FYB2: variants seen among roughly 807,000 people sequenced by gnomAD.
FYB2 encodes FYN binding protein 2.
FYB2 carries 103 observed loss-of-function variants against 94.1 expected under a neutral mutation model. The observed-to-expected ratio is 1.09, with a 90% CI of 0.93 to 1.29. The LOEUF is 1.29. FYB2 is among the 50% of genes most tolerant of loss of function. FYB2 has a pLI of 0.00. For synonymous variants in FYB2, 293 were observed against 287.9 expected, an observed-to-expected ratio of 1.02 and a Z score of -0.18; for missense variants, 896 against 841.5, an observed-to-expected ratio of 1.06 and a Z score of -0.80.
intron 14 of FYB2, 38 bp from the exon 15 acceptor site, chr1:56,737,185 G>A (rs761251129): frequency 6.7e-7 from 1 of 1,485,508 alleles, no homozygotes; most frequent in Non-Finnish European, 9.3e-7. Context: ...CCATTATTAA[G>A]CATGGTTTAT....
chr1:56,765,634 G>A (rs544934885), intron 5 of FYB2, among the ~76,000 whole-genome samples: 1 of 152,322 alleles, frequency 6.6e-6, no homozygotes, highest in East Asian at 1.9e-4. Context: ...GCTAGAAAGA[G>A]CAGGCTTCAG....
At chr1:56,721,955 G>T (rs1158966696) in intron 17 of FYB2, among the ~76,000 whole-genome samples, 2 of 151,956 alleles carry the variant, frequency 1.3e-5, no homozygotes, top group Non-Finnish European at 2.9e-5. Flanking sequence ...ATTTGAGCTG[G>T]ACAAAAATTA....
chr1:56,740,644 T>G (rs1436464524), intron 13 of FYB2, 53 bp downstream of exon 13: 2 of 1,060,538 alleles, frequency 1.9e-6, no homozygotes, highest in Non-Finnish European at 2.8e-6. Context: ...CATCAACTTG[T>G]GTATCTACCA....
At chr1:56,819,134 A>C (rs987241032) in intron 1 of FYB2, 148 bp downstream of exon 1, 1 of 567,238 alleles carries the variant, frequency 1.8e-6, no homozygotes, top group African/African-American at 2.0e-5. Context: ...GTGTGAGCAG[A>C]AATGCACTGG....
At chr1:56,788,850 A>G in intron 3 of FYB2, 123 bp downstream of exon 3, 1 of 1,360,934 alleles carries the variant, frequency 7.3e-7, no homozygotes, top group Non-Finnish European at 1.0e-6. Context: ...TCTAGATGAG[A>G]ATAAGCAGTG....
intron 6 of FYB2, among the ~76,000 whole-genome samples, chr1:56,756,723 T>C (rs903762934): frequency 1.6e-4 from 25 of 152,118 alleles, no homozygotes; most frequent in Non-Finnish European, 3.5e-4. Context: ...TCTCTGAACC[T>C]TAATGTCATC....
upstream of FYB2, among the ~76,000 whole-genome samples, chr1:56,820,130 C>A (rs990144839): frequency 2.6e-5 from 4 of 151,218 alleles, no homozygotes; most frequent in African/African-American, 9.8e-5. Flanking sequence ...ACTTGGGAGG[C>A]TGAGGCAGGA....
At chr1:56,819,531 G>A, upstream of FYB2, 1 of 598,602 alleles carries the variant, frequency 1.7e-6, no homozygotes, top group African/African-American at 1.9e-5. Flanking sequence ...GCAGGGGACT[G>A]GGGAGAGTAC....
chr1:56,816,287 T>G (rs915695368), intron 1 of FYB2, among the ~76,000 whole-genome samples: 2 of 152,166 alleles, frequency 1.3e-5, no homozygotes, highest in African/African-American at 4.8e-5. Flanking sequence ...GGTACTGATT[T>G]TAGTCTTGCA....
chr1:56,771,744 C>T (rs919265738), intron 4 of FYB2, among the ~76,000 whole-genome samples: 15 of 152,094 alleles, frequency 9.9e-5, no homozygotes, highest in Non-Finnish European at 1.8e-4. Context: ...TTAATACAAA[C>T]GAGGTCTTAG....
chr1:56,756,325 CCGTTACTCG>C (rs1417333909), intron 6 of FYB2, among the ~76,000 whole-genome samples: 1 of 152,112 alleles, frequency 6.6e-6, no homozygotes, highest in Non-Finnish European at 1.5e-5. Context: ...TGGAATTTCT[CCGTTACTCG>C]CTGATCATGT....
upstream of FYB2, chr1:56,819,700 C>A: frequency 3.2e-6 from 1 of 311,288 alleles, no homozygotes; most frequent in Non-Finnish European, 6.1e-6. Context: ...TTAGTACAGA[C>A]CATGCAGGCT....
intron 5 of FYB2, among the ~76,000 whole-genome samples, chr1:56,762,774 T>A (rs1645529394): frequency 6.6e-6 from 1 of 152,224 alleles, no homozygotes. Flanking sequence ...CAGCACTATG[T>A]TGAATAGCAA....
At chr1:56,730,864 C>T (rs1644692966) in intron 15 of FYB2, among the ~76,000 whole-genome samples, 1 of 152,048 alleles carries the variant, frequency 6.6e-6, no homozygotes, top group Non-Finnish European at 1.5e-5. Flanking sequence ...CCCTGATGAA[C>T]ATAGACACAA....
chr1:56,721,181 G>A (rs1418110081), intron 17 of FYB2, among the ~76,000 whole-genome samples: 2 of 151,972 alleles, frequency 1.3e-5, no homozygotes, highest in African/African-American at 4.8e-5. Context: ...CTATACATCT[G>A]CAGCACATCA....
intron 15 of FYB2, among the ~76,000 whole-genome samples, chr1:56,736,480 T>C (rs1644834602): frequency 7.0e-6 from 1 of 142,802 alleles, no homozygotes; most frequent in Admixed American, 7.3e-5. Context: ...GGCTGGAGTC[T>C]AGTGGTGTGA....
chr1:56,793,945 G>A (rs993342621), intron 1 of FYB2, among the ~76,000 whole-genome samples: 2 of 152,138 alleles, frequency 1.3e-5, no homozygotes, highest in Admixed American at 6.5e-5. Context: ...AATACTCTGA[G>A]AAACTTGATC....
At chr1:56,805,186 G>T (rs1248368838) in intron 1 of FYB2, among the ~76,000 whole-genome samples, 2 of 151,940 alleles carry the variant, frequency 1.3e-5, no homozygotes, top group Non-Finnish European at 2.9e-5. Flanking sequence ...TTACATACGT[G>T]TCTGCTTTAC....
chr1:56,720,124 A>AT (rs1293016868), intron 18 of FYB2, 49 bp downstream of exon 18: 5 of 1,586,244 alleles, frequency 3.2e-6, no homozygotes, highest in African/African-American at 1.4e-5. Flanking sequence ...GCATTTTAAG[A>AT]TTTTTTAAAA....
Sources: allele counts gnomAD v4.1 joint callset (sites outside exome capture counted in the v4.1 genomes callset), GRCh38; gene constraint gnomAD v4.1.1; transcripts MANE v1.5; gene names NCBI Gene and HGNC (gene_info 2026-07-23, HGNC 2026-07-21).